The following CFAP44 variants were observed in gnomAD, a reference collection of about 807,000 sequenced individuals.
CFAP44 encodes cilia and flagella associated protein 44, also known as cilia- and flagella-associated protein 44.
In CFAP44, 134 loss-of-function variants were observed where a neutral mutation model predicts 216.2. That is an observed-to-expected ratio of 0.62 (90% CI 0.54 to 0.72). The LOEUF is 0.72. CFAP44 is among the 30% of genes least tolerant of loss of function. The probability of loss-of-function intolerance (pLI) is 0.00; values close to 1 mark genes in which losing one functional copy is unlikely to be tolerated. For missense variants in CFAP44, 2,035 were observed against 2,182.1 expected (o/e 0.93, Z 1.34); for synonymous variants, 700 against 727.6 (o/e 0.96, Z 0.61).
intron 6 of CFAP44, among the ~76,000 whole-genome samples, chr3:113,415,251 T>A (rs78454923): frequency 6.6e-6 from 1 of 151,860 alleles, no homozygotes; most frequent in African/African-American, 2.4e-5. Flanking sequence ...ATTCTTCTCT[T>A]CCTTCTTCCT....
At chr3:113,327,070 A>T (rs780661075) in intron 27 of CFAP44, among the ~76,000 whole-genome samples, 7 of 152,152 alleles carry the variant, frequency 4.6e-5, no homozygotes, top group African/African-American at 9.6e-5. Flanking sequence ...ACTATTTAGC[A>T]TATACTATCT....
chr3:113,295,150 TTTC>T (rs1949868859), intron 33 of CFAP44, among the ~76,000 whole-genome samples: 1 of 152,202 alleles, frequency 6.6e-6, no homozygotes, highest in Non-Finnish European at 1.5e-5. Context: ...GCAGCTAACT[TTTC>T]TGTATTGCTT....
At chr3:113,392,954 T>TCC (rs1933885932) in intron 15 of CFAP44, among the ~76,000 whole-genome samples, 2 of 152,148 alleles carry the variant, frequency 1.3e-5, no homozygotes, top group African/African-American at 4.8e-5. Context: ...GCCCAATAGA[T>TCC]CCACCTGCCC....
At chr3:113,403,613 A>G (rs766035563) in intron 9 of CFAP44, among the ~76,000 whole-genome samples, 1 of 152,226 alleles carries the variant, frequency 6.6e-6, no homozygotes, top group Non-Finnish European at 1.5e-5. Context: ...TATTATTTCA[A>G]CAGAATCAGA....
chr3:113,364,901 C>A (rs115385009), intron 19 of CFAP44, among the ~76,000 whole-genome samples: 1 of 151,896 alleles, frequency 6.6e-6, no homozygotes, highest in African/African-American at 2.4e-5. Context: ...CAGTGCTGAG[C>A]TTAGTTGTTT....
chr3:113,365,910 A>C, intron 19 of CFAP44, 129 bp downstream of exon 19: 1 of 1,007,074 alleles, frequency 9.9e-7, no homozygotes, highest in Non-Finnish European at 1.4e-6. Context: ...TTATAATAGT[A>C]GCAGGAAGAT....
intron 18 of CFAP44, among the ~76,000 whole-genome samples, chr3:113,369,589 G>A (rs578099585): frequency 6.6e-6 from 1 of 152,304 alleles, no homozygotes; most frequent in East Asian, 1.9e-4. Context: ...GTGTGTAGAG[G>A]GAAATTTATA....
chr3:113,376,776 A>G (rs929804287), intron 17 of CFAP44, among the ~76,000 whole-genome samples: 1 of 152,238 alleles, frequency 6.6e-6, no homozygotes, highest in African/African-American at 2.4e-5. Flanking sequence ...TATGTAACAG[A>G]GCAAGGGGGG....
Position 113,399,916 on chromosome 3 carries a change from A to G in CFAP44, c.1559T>C (p.Val520Ala). The change falls in exon 13 of 35, where the codon GTA (valine) becomes GCA (alanine). Residue 520 changes from valine to alanine, a missense_variant. Physicochemically the swap from Val to Ala is moderately conservative, Grantham distance 64 (BLOSUM62 0). Transcript: ENST00000393845. ...FKQGGTALVWVPRMVNFTGAQ... is the reference protein window; with the variant it reads ...FKQGGTALVWAPRMVNFTGAQ... ...TAACAACAAACTTACCATTCGGGGT[A>G]CCCAAACAAGGGCAGTACCTCCTTG... The G allele has an allele frequency of 6.3e-7, 1 of 1,583,344 alleles. No individual in the cohort carries two copies. The highest frequency in any genetic ancestry group is 8.6e-7 in the Non-Finnish European group (1 of 1,168,638).
chr3:113,393,562 G>A (rs754005849), intron 15 of CFAP44, among the ~76,000 whole-genome samples: 51 of 152,186 alleles, frequency 3.4e-4, no homozygotes, highest in South Asian at 1.7e-3. Context: ...TCTCACTCTT[G>A]ACACCCAAGC....
At chr3:113,296,227 T>C (rs915582403) in intron 33 of CFAP44, among the ~76,000 whole-genome samples, 3 of 152,204 alleles carry the variant, frequency 2.0e-5, no homozygotes, top group African/African-American at 7.2e-5. Context: ...GGACATGATA[T>C]CATTTTTTAT....
At chr3:113,376,831 G>T (rs1933359221) in intron 17 of CFAP44, among the ~76,000 whole-genome samples, 1 of 152,206 alleles carries the variant, frequency 6.6e-6, no homozygotes, top group African/African-American at 2.4e-5. Flanking sequence ...ATTAGTACTA[G>T]AGCATGTTTG....
intron 15 of CFAP44, among the ~76,000 whole-genome samples, chr3:113,390,145 A>G (rs1015461887): frequency 6.6e-6 from 1 of 152,212 alleles, no homozygotes. Context: ...AAGATCATTC[A>G]TCATGGCCAA....
At chr3:113,437,781 G>T (rs557713581) in intron 1 of CFAP44, among the ~76,000 whole-genome samples, 161 of 151,492 alleles carry the variant, frequency 1.1e-3, no homozygotes, top group African/African-American at 3.7e-3. Context: ...GGTATTTTTG[G>T]TTTTTTGGGG....
intron 3 of CFAP44, 122 bp downstream of exon 3, chr3:113,427,065 T>C: frequency 9.3e-7 from 1 of 1,078,876 alleles, no homozygotes; most frequent in Non-Finnish European, 1.4e-6. Context: ...TGTCCTTTTA[T>C]CATTCCCACA....
intron 2 of CFAP44, among the ~76,000 whole-genome samples, chr3:113,429,477 C>T (rs1342959137): frequency 6.6e-6 from 1 of 152,050 alleles, no homozygotes; most frequent in Non-Finnish European, 1.5e-5. Flanking sequence ...GTATCTTTTT[C>T]TATCCATTTA....
In CFAP44 at chr3:113,290,905, G is replaced by C. The variant is rs1005730161; in HGVS notation, c.*652C>G. 3.3e-5 allele frequency: 5 copies of C among 152,472 alleles called. No individual in the cohort carries two copies. The highest frequency in any genetic ancestry group is 1.2e-4 in the African/African-American group (5 of 41,420). The allele number at this position is 152,472 out of a possible 1,614,324, so 9.4% of individuals were successfully genotyped here. A position where few individuals can be genotyped will look rare whatever the true frequency, so the allele number is the denominator to read the frequency against. ...GCCCCTCTGCTCCACTCAGAACTGAGGAGTCTACAAAAACTGTGGGCAATC... is the reference window on the plus strand; with the variant it reads ...GCCCCTCTGCTCCACTCAGAACTGACGAGTCTACAAAAACTGTGGGCAATC... On this transcript the variant is annotated 3_prime_UTR_variant, in exon 35 of 35. Transcript: ENST00000393845.
At chr3:113,347,630 C>T (rs535575004) in intron 22 of CFAP44, among the ~76,000 whole-genome samples, 1 of 152,142 alleles carries the variant, frequency 6.6e-6, no homozygotes, top group African/African-American at 2.4e-5. Context: ...GGTGGGGAGA[C>T]CAACTATCCT....
chr3:113,346,520 C>G (rs1472728587), intron 22 of CFAP44, among the ~76,000 whole-genome samples: 1 of 151,920 alleles, frequency 6.6e-6, no homozygotes, highest in Non-Finnish European at 1.5e-5. Context: ...CTGTATCTAG[C>G]TAAAGGATTT....
Sources: allele counts gnomAD v4.1 joint callset (sites outside exome capture counted in the v4.1 genomes callset), GRCh38; gene constraint gnomAD v4.1.1; transcripts MANE v1.5; gene names NCBI Gene and HGNC (gene_info 2026-07-23, HGNC 2026-07-21).